H2AC8: variants seen among roughly 807,000 people sequenced by gnomAD.
H2AC8 encodes the protein H2A clustered histone 8, also known as histone H2A type 1-B/E.
In H2AC8, 9 loss-of-function variants were observed where a neutral mutation model predicts 6.3. The ratio of observed to expected loss-of-function variants is 1.43; its 90% CI spans 0.86 to 2.49. The LOEUF is 2.49. Ranked by LOEUF, H2AC8 falls within the 30% of genes most tolerant of loss-of-function variation. H2AC8 has a pLI of 0.00. For synonymous variants in H2AC8, 176 were observed against 79.6 expected (o/e 2.21, Z -6.45); for missense variants, 141 against 177.5 (o/e 0.79, Z 1.17).
At chr6:26,217,041 G>T in exon 1 of H2AC8, 1 of 1,614,172 alleles carries the variant, frequency 6.2e-7, no homozygotes, top group Non-Finnish European at 8.5e-7. Flanking sequence ...TTCCAGGGCC[G>T]GTCTTCAGTT....
upstream of H2AC8, chr6:26,216,959 C>G (rs752374684): frequency 1.2e-6 from 2 of 1,613,664 alleles, no homozygotes; most frequent in South Asian, 1.1e-5. Context: ...AGTTCTTCTG[C>G]TGTTAGGAAG....
At chr6:26,217,379 G>A (rs374669397) in exon 1 of H2AC8, 4 of 1,603,354 alleles carry the variant, frequency 2.5e-6, no homozygotes, top group South Asian at 1.1e-5. Context: ...ATGATTACTA[G>A]TCAAATCCGT....
exon 1 of H2AC8, chr6:26,217,172 A>T (rs757383575): frequency 6.2e-7 from 1 of 1,614,192 alleles, no homozygotes; most frequent in Non-Finnish European, 8.5e-7. Flanking sequence ...TCTTAGAGCT[A>T]GCTGGCAACG....
exon 1 of H2AC8, chr6:26,217,136 G>A (rs1371953215): frequency 1.9e-6 from 3 of 1,614,186 alleles, no homozygotes; most frequent in East Asian, 4.5e-5. Flanking sequence ...ACCTGGCAGC[G>A]GTGCTGGAAT....
At chr6:26,216,926 T>C (rs774691614), upstream of H2AC8, 3 of 1,601,398 alleles carry the variant, frequency 1.9e-6, no homozygotes, top group Admixed American at 1.7e-5. Context: ...AGCCCATTCT[T>C]TTTCTTTATT....
chr6:26,217,354 C>A (rs753001531), exon 1 of H2AC8: 1 of 1,613,216 alleles, frequency 6.2e-7, no homozygotes, highest in Admixed American at 1.7e-5. Context: ...CACCATAAGG[C>A]CAAGGGCAAG....
At chr6:26,217,091 C>T in exon 1 of H2AC8, 9 of 1,614,206 alleles carry the variant, frequency 5.6e-6, no homozygotes, top group Non-Finnish European at 7.6e-6. Context: ...GCAAAGGCAA[C>T]TACTCCGAAC....
exon 1 of H2AC8, chr6:26,217,016 A>G: frequency 6.2e-7 from 1 of 1,614,118 alleles, no homozygotes; most frequent in South Asian, 1.1e-5. Flanking sequence ...CTCGGGCAAA[A>G]GCTAAAACGC....
At chr6:26,216,974 T>A (rs748206826), upstream of H2AC8, 7 of 1,614,094 alleles carry the variant, frequency 4.3e-6, no homozygotes, top group South Asian at 6.6e-5. Flanking sequence ...AGGAAGCCAC[T>A]ATGTCTGGAC....
At chr6:26,217,033 C>T (rs200509507) in exon 1 of H2AC8, 4 of 1,614,090 alleles carry the variant, frequency 2.5e-6, no homozygotes, top group Non-Finnish European at 2.5e-6. Flanking sequence ...ACGCGTTCTT[C>T]CAGGGCCGGT....
chr6:26,216,997 G>A, exon 1 of H2AC8: 2 of 1,614,158 alleles, frequency 1.2e-6, no homozygotes, highest in Non-Finnish European at 1.7e-6. Flanking sequence ...GGAAAGCAAG[G>A]CGGCAAAGCT....
rs746188696 is a variant in H2AC8, at chr6:26,217,055, A to G, written c.81A>G (p.Pro27=). Residue 27 remains proline, a synonymous_variant, in exon 1 of 1, where the codon CCA becomes CCG. Transcript: ENST00000303910. Reference sequence around the variant, plus strand: ...CTTCCAGGGCCGGTCTTCAGTTTCCAGTTGGCCGTGTGCACCGCCTCCTCC... The same window carrying G: ...CTTCCAGGGCCGGTCTTCAGTTTCCGGTTGGCCGTGTGCACCGCCTCCTCC... 1.1e-5 allele frequency: 17 copies of G among 1,614,068 alleles called. No homozygotes were observed. In the African/African-American group the frequency reaches 2.1e-4, roughly 20 times the overall value.
exon 1 of H2AC8, chr6:26,217,103 A>T (rs1765428477): frequency 6.2e-7 from 1 of 1,614,200 alleles, no homozygotes; most frequent in Non-Finnish European, 8.5e-7. Flanking sequence ...ACTCCGAACG[A>T]GTCGGGGCCG....
At chr6:26,217,229 G>C in exon 1 of H2AC8, 1 of 1,614,210 alleles carries the variant, frequency 6.2e-7, no homozygotes, top group Non-Finnish European at 8.5e-7. Flanking sequence ...GCCACCTGCA[G>C]CTAGCCATCC....
upstream of H2AC8, chr6:26,216,950 G>T (rs774553970): frequency 6.2e-7 from 1 of 1,613,206 alleles, no homozygotes; most frequent in South Asian, 1.1e-5. Flanking sequence ...TGGATTGTTA[G>T]TTCTTCTGCT....
chr6:26,216,956 C>G (rs374989487), upstream of H2AC8: 1 of 1,613,480 alleles, frequency 6.2e-7, no homozygotes, highest in Non-Finnish European at 8.5e-7. Flanking sequence ...GTTAGTTCTT[C>G]TGCTGTTAGG....
At chr6:26,216,924 C>T (rs775704466), upstream of H2AC8, 24 of 1,598,478 alleles carry the variant, frequency 1.5e-5, no homozygotes, top group Middle Eastern at 1.7e-4. Flanking sequence ...CGAGCCCATT[C>T]TTTTTCTTTA....
exon 1 of H2AC8, chr6:26,217,234 C>T: frequency 6.2e-7 from 1 of 1,614,206 alleles, no homozygotes. Context: ...CTGCAGCTAG[C>T]CATCCGCAAC....
chr6:26,217,298 C>T (rs201737321), exon 1 of H2AC8: 1 of 1,614,220 alleles, frequency 6.2e-7, no homozygotes, highest in Admixed American at 1.7e-5. Context: ...AGGGCGGTGT[C>T]CTGCCCAACA....
Sources: allele counts gnomAD v4.1 joint callset, GRCh38; gene constraint gnomAD v4.1.1; transcripts MANE v1.5; gene names NCBI Gene and HGNC (gene_info 2026-07-23, HGNC 2026-07-21).